Variants in MYO9A observed in about 807,000 individuals in gnomAD.
The protein encoded by MYO9A is unconventional myosin-IXa.
In MYO9A, 103 loss-of-function variants were observed where a neutral mutation model predicts 293.3. That is an observed-to-expected ratio of 0.35 (90% CI 0.30 to 0.41). MYO9A has a LOEUF of 0.41. Among genes scored for constraint, MYO9A ranks in the 10% least tolerant of loss-of-function variants. MYO9A has a pLI of 1.00. For missense variants in MYO9A, 2,685 were observed against 3,033.0 expected, an observed-to-expected ratio of 0.89 and a Z score of 2.69; for synonymous variants, 1,001 against 1,035.7, an observed-to-expected ratio of 0.97 and a Z score of 0.64.
At chr15:71,965,335 T>C (rs2062638189) in intron 13 of MYO9A, among the ~76,000 whole-genome samples, 1 of 152,144 alleles carries the variant, frequency 6.6e-6, no homozygotes, top group Non-Finnish European at 1.5e-5. Flanking sequence ...ATTTTTTCTT[T>C]TTTAAGTTTT....
At chr15:71,854,674 T>C (rs1185434812) in intron 34 of MYO9A, 105 bp from the exon 35 acceptor site, 3 of 864,224 alleles carry the variant, frequency 3.5e-6, no homozygotes, top group Non-Finnish European at 5.2e-6. Context: ...TGAAGTTTTA[T>C]GAGCATAGTT....
At chr15:72,020,158 G>C (rs894881679) in intron 5 of MYO9A, among the ~76,000 whole-genome samples, 3 of 152,070 alleles carry the variant, frequency 2.0e-5, no homozygotes, top group Non-Finnish European at 4.4e-5. Flanking sequence ...TGGTCATAAA[G>C]GGATTTATTT....
Position 71,906,758 on chromosome 15 carries a change from C to CTTTCTTTTTTTT in MYO9A, c.2686-1753_2686-1752insAAAAAAAAGAAA, listed in dbSNP as rs765264146. Among the ~76,000 whole-genome samples, 31 of 61,028 alleles carry CTTTCTTTTTTTT rather than the reference C, an allele frequency of 5.1e-4. 3 individuals carry two copies. Among genetic ancestry groups the CTTTCTTTTTTTT allele is most frequent in the Non-Finnish European group, 7.2e-4 (23 of 32,030 alleles). The allele number at this position is 61,028 out of a possible 152,430, so 40.0% of individuals were successfully genotyped here. A position where few individuals can be genotyped will look rare whatever the true frequency, so the allele number is the denominator to read the frequency against. On this transcript the variant is annotated intron_variant, in intron 19 of 41. Transcript: ENST00000356056. The stretch of plus-strand genomic sequence containing the variant: ...CCAATCAGATAATATCCATTTCTTT[C>CTTTCTTTTTTTT]TTTTTTTTTTTTTTTTTTTTCCTGA...
chr15:71,937,475 T>C (rs1419276663), intron 16 of MYO9A, among the ~76,000 whole-genome samples: 1 of 152,144 alleles, frequency 6.6e-6, no homozygotes, highest in Non-Finnish European at 1.5e-5. Context: ...AAGGCTCAGA[T>C]GATTGTTATT....
At chr15:71,937,201 T>A (rs931556285) in intron 16 of MYO9A, among the ~76,000 whole-genome samples, 1 of 152,036 alleles carries the variant, frequency 6.6e-6, no homozygotes, top group Non-Finnish European at 1.5e-5. Flanking sequence ...ATTATAGAAA[T>A]TGAGTTGATA....
chr15:72,049,523 C>T (rs1239962868), intron 1 of MYO9A, among the ~76,000 whole-genome samples: 1 of 152,152 alleles, frequency 6.6e-6, no homozygotes, highest in Admixed American at 6.5e-5. Context: ...TAAGGGGTCC[C>T]CAACCTCTGG....
At chr15:71,862,714 C>T in intron 32 of MYO9A, 103 bp from the exon 33 acceptor site, 1 of 651,750 alleles carries the variant, frequency 1.5e-6, no homozygotes, top group Non-Finnish European at 2.7e-6. Flanking sequence ...TCACTAGGCA[C>T]TAATTCCAGG....
chr15:72,038,785 G>A (rs934435505), intron 2 of MYO9A, among the ~76,000 whole-genome samples: 2 of 152,192 alleles, frequency 1.3e-5, no homozygotes, highest in Non-Finnish European at 2.9e-5. Flanking sequence ...TATGACGTGA[G>A]AGAAATAAGA....
intron 1 of MYO9A, among the ~76,000 whole-genome samples, chr15:72,056,840 T>C (rs1227571702): frequency 1.3e-5 from 2 of 152,040 alleles, no homozygotes; most frequent in African/African-American, 4.8e-5. Flanking sequence ...CTGGGCACAG[T>C]GGCTCACACC....
chr15:72,089,502 G>A (rs2079840804), intron 1 of MYO9A, among the ~76,000 whole-genome samples: 1 of 152,018 alleles, frequency 6.6e-6, no homozygotes, highest in Non-Finnish European at 1.5e-5. Context: ...GTATGAGCTG[G>A]GCCACAGAGG....
chr15:72,113,809 T>A (rs1226264652), intron 1 of MYO9A, among the ~76,000 whole-genome samples: 1 of 151,950 alleles, frequency 6.6e-6, no homozygotes, highest in African/African-American at 2.4e-5. Flanking sequence ...TAGCAATCAA[T>A]GAGAAAAAGA....
At chr15:71,954,759 A>C (rs1347754590) in intron 14 of MYO9A, among the ~76,000 whole-genome samples, 1 of 152,098 alleles carries the variant, frequency 6.6e-6, no homozygotes, top group Non-Finnish European at 1.5e-5. Flanking sequence ...ATTTTCAATA[A>C]TTTTTTTAGT....
In MYO9A at chr15:72,074,951, C is replaced by CTTTTTTTTT. The variant is rs750462703; in HGVS notation, c.-71-28326_-71-28318dup. ...CAGTTAGAAATTTCATTTTCACTGC[C>CTTTTTTTTT]TTTTTTTTTTTTTTTTTTTTTTTTT... is the stretch of plus-strand genomic sequence containing the variant. On this transcript the variant is annotated intron_variant, in intron 1 of 41. Transcript: ENST00000356056. Among the ~76,000 whole-genome samples, 68 of 53,134 alleles carry CTTTTTTTTT rather than the reference C, an allele frequency of 1.3e-3. 9 individuals are homozygous for CTTTTTTTTT. The highest frequency in any genetic ancestry group is 5.8e-3 in the East Asian group (8 of 1,368). The allele number at this position is 53,134 out of a possible 152,430, so 34.9% of individuals were successfully genotyped here.
chr15:71,928,061 T>C (rs1435086212), intron 18 of MYO9A, among the ~76,000 whole-genome samples: 1 of 9,758 alleles, frequency 1.0e-4, no homozygotes, highest in African/African-American at 2.6e-4. Context: ...TATATATTTT[T>C]TTTTTTTTTT....
At chr15:71,863,204 G>A (rs1440810809) in intron 32 of MYO9A, among the ~76,000 whole-genome samples, 2 of 151,906 alleles carry the variant, frequency 1.3e-5, no homozygotes, top group South Asian at 2.1e-4. Flanking sequence ...AAAGTGCTGG[G>A]ATTATCAGCG....
At chr15:71,923,247 T>G (rs1427597895) in intron 18 of MYO9A, among the ~76,000 whole-genome samples, 17 of 152,242 alleles carry the variant, frequency 1.1e-4, no homozygotes, top group Admixed American at 1.1e-3. Context: ...ATGTTATCTT[T>G]TTAATGTGCT....
chr15:71,956,330 A>ATATATATATATATATATATAT lies in MYO9A; in HGVS notation c.2182+3570_2182+3571insATATATATATATATATATATA, dbSNP rs1555490831. Among the ~76,000 whole-genome samples, 127 of 75,552 alleles carry ATATATATATATATATATATAT rather than the reference A, an allele frequency of 1.7e-3. 1 individual carries two copies. Among genetic ancestry groups the ATATATATATATATATATATAT allele is most frequent in the Non-Finnish European group, 2.5e-3 (109 of 43,224 alleles). The allele number at this position is 75,552 out of a possible 152,430, so 49.6% of individuals were successfully genotyped here. ...GCTCTTAAAAAAAAAAAAAAAAAAA[A>ATATATATATATATATATATAT]ATATATATATATATATATATAAAAT... On this transcript the variant is annotated intron_variant, in intron 14 of 41. Transcript: ENST00000356056.
chr15:72,066,990 T>G (rs2079040698), intron 1 of MYO9A, among the ~76,000 whole-genome samples: 1 of 150,060 alleles, frequency 6.7e-6, no homozygotes, highest in South Asian at 2.1e-4. Flanking sequence ...AATAAATGTA[T>G]TATTATACTG....
Position 71,904,969 on chromosome 15 carries a change from G to A in MYO9A, c.2723C>T (p.Ala908Val). 6.2e-7 allele frequency: 1 copy of A among 1,605,952 alleles called. No individual in the cohort carries two copies. Among genetic ancestry groups the A allele is most frequent in the Middle Eastern group, 1.7e-4 (1 of 5,982 alleles). ...AATGCATTTTACAAAATATGGTTCT[G>A]CTTGACCAAGTGTTTCCATTAGCTT... ...LSKLMETLGQ[A>V]EPYFVKCIRS... is the part of the protein sequence containing the mutation. Residue 908 changes from alanine to valine, a missense_variant, in exon 20 of 42, where the codon GCA becomes GTA. Physicochemically the swap from Ala to Val is moderately conservative, Grantham distance 64. Around this residue, in one of 10 missense-constraint regions of MYO9A, gnomAD observed 1,434 missense variants for 1,497.7 expected, o/e 0.96. Coordinates refer to ENST00000356056, the MANE Select transcript of MYO9A (RefSeq NM_006901.4).
Sources: allele counts gnomAD v4.1 joint callset (sites outside exome capture counted in the v4.1 genomes callset), GRCh38; gene constraint gnomAD v4.1.1; regional missense constraint gnomAD v4.1.1; transcripts MANE v1.5; gene names NCBI Gene and HGNC (gene_info 2026-07-23, HGNC 2026-07-21).